Variants in WDPCP observed in about 807,000 individuals in gnomAD.
WDPCP encodes WD repeat-containing and planar cell polarity effector protein fritz homolog.
In WDPCP, 71 loss-of-function variants were observed where a neutral mutation model predicts 93.1. The observed-to-expected ratio is 0.76, with a 90% CI of 0.63 to 0.93. The LOEUF is 0.93. Ranked by LOEUF, WDPCP falls within the 40% of genes least tolerant of loss-of-function variation. The pLI, the probability that WDPCP is intolerant of heterozygous loss-of-function variation, is 0.00. For synonymous variants in WDPCP, 315 were observed against 315.0 expected, an observed-to-expected ratio of 1.00 and a Z score of 0.00; for missense variants, 844 against 887.4, an observed-to-expected ratio of 0.95 and a Z score of 0.62.
chr2:63,396,376 C>G (rs1161960884), intron 10 of WDPCP, among the ~76,000 whole-genome samples: 1 of 152,198 alleles, frequency 6.6e-6, no homozygotes, highest in African/African-American at 2.4e-5. Flanking sequence ...CACACATACA[C>G]ACGTTGCCTG....
At chr2:63,650,119 T>C (rs930203965) in intron 3 of WDPCP, among the ~76,000 whole-genome samples, 1 of 152,234 alleles carries the variant, frequency 6.6e-6, no homozygotes, top group Non-Finnish European at 1.5e-5. Flanking sequence ...CCAGCTTGGA[T>C]GTTACGTCCA....
intron 13 of WDPCP, among the ~76,000 whole-genome samples, chr2:63,293,330 A>C (rs1227994189): frequency 6.6e-6 from 1 of 152,200 alleles, no homozygotes; most frequent in Non-Finnish European, 1.5e-5. Flanking sequence ...GATTCACCTT[A>C]GTATAATCTT....
intron 1 of WDPCP, chr2:63,571,507 G>T: frequency 2.1e-6 from 1 of 469,584 alleles, no homozygotes; most frequent in South Asian, 1.6e-5. Flanking sequence ...TGTTTATTCG[G>T]TGATACTCCC....
At chr2:63,229,589 C>G (rs999096347) in intron 14 of WDPCP, 53 of 152,104 alleles carry the variant, frequency 3.5e-4, no homozygotes, top group African/African-American at 1.1e-3. Flanking sequence ...AGTCTTTAAT[C>G]CATCTTGAAT....
intron 2 of WDPCP, among the ~76,000 whole-genome samples, chr2:63,656,467 G>C (rs1710166960): frequency 6.6e-6 from 1 of 152,216 alleles, no homozygotes; most frequent in Admixed American, 6.5e-5. Flanking sequence ...CGGGCTGAGA[G>C]GGCCATGGAA....
intron 2 of WDPCP, among the ~76,000 whole-genome samples, chr2:63,667,942 A>G (rs1203316973): frequency 6.6e-6 from 1 of 151,884 alleles, no homozygotes; most frequent in East Asian, 1.9e-4. Flanking sequence ...CCTACTCCCC[A>G]CTTTTCTCTA....
chr2:63,799,308 G>A (rs1255644226), intron 2 of WDPCP, among the ~76,000 whole-genome samples: 2 of 152,174 alleles, frequency 1.3e-5, no homozygotes, highest in Non-Finnish European at 2.9e-5. Flanking sequence ...GTGAACCATA[G>A]AAGATAATTG....
chr2:63,565,946 G>A (rs778293895), intron 1 of WDPCP, among the ~76,000 whole-genome samples: 1 of 151,992 alleles, frequency 6.6e-6, no homozygotes, highest in South Asian at 2.1e-4. Context: ...TATATCCACT[G>A]CCACCATCAT....
intron 2 of WDPCP, among the ~76,000 whole-genome samples, chr2:63,656,490 C>A (rs1363166640): frequency 1.3e-5 from 2 of 152,178 alleles, no homozygotes; most frequent in South Asian, 4.1e-4. Context: ...TGACTGGAAG[C>A]CAGAAATGGG....
At chr2:63,820,459 C>T (rs892924944) in intron 1 of WDPCP, among the ~76,000 whole-genome samples, 5 of 152,118 alleles carry the variant, frequency 3.3e-5, no homozygotes, top group African/African-American at 1.2e-4. Context: ...ATGCTAGCAG[C>T]TGGCTGGCTC....
intron 2 of WDPCP, among the ~76,000 whole-genome samples, chr2:63,668,764 T>C (rs1710313132): frequency 6.6e-6 from 1 of 152,184 alleles, no homozygotes; most frequent in Non-Finnish European, 1.5e-5. Context: ...TCTCCCTCTC[T>C]CCCCTCCTCC....
intron 2 of WDPCP, among the ~76,000 whole-genome samples, chr2:63,725,827 G>A (rs1002437223): frequency 2.0e-5 from 3 of 152,096 alleles, no homozygotes; most frequent in African/African-American, 7.2e-5. Context: ...TCATATGCTT[G>A]TTGGCTGCGT....
intron 2 of WDPCP, among the ~76,000 whole-genome samples, chr2:63,492,138 G>A (rs1176389603): frequency 6.6e-6 from 1 of 152,076 alleles, no homozygotes; most frequent in Non-Finnish European, 1.5e-5. Flanking sequence ...ACAATACTTT[G>A]TAAGGTAAAT....
intron 12 of WDPCP, among the ~76,000 whole-genome samples, chr2:63,325,372 T>C (rs935246105): frequency 2.6e-5 from 4 of 152,202 alleles, no homozygotes; most frequent in Admixed American, 2.6e-4. Flanking sequence ...AGTGCAATGG[T>C]TCTCTGGGCC....
At chr2:63,350,224 G>T (rs916758073) in intron 12 of WDPCP, among the ~76,000 whole-genome samples, 3 of 152,136 alleles carry the variant, frequency 2.0e-5, no homozygotes, top group Non-Finnish European at 4.4e-5. Context: ...CTCATTCATA[G>T]GTGGGAATTG....
intron 1 of WDPCP, among the ~76,000 whole-genome samples, chr2:63,504,547 C>T (rs930948878): frequency 1.3e-4 from 20 of 151,884 alleles, no homozygotes; most frequent in African/African-American, 3.9e-4. Flanking sequence ...TCAATCATCT[C>T]ATTAGAGGAA....
chr2:63,271,169 G>A (rs1248697864), intron 13 of WDPCP, among the ~76,000 whole-genome samples: 1 of 152,228 alleles, frequency 6.6e-6, no homozygotes, highest in Non-Finnish European at 1.5e-5. Flanking sequence ...CAGAACCAAA[G>A]TGTGTGCTCA....
At chr2:63,822,282 T>C (rs1671036690) in intron 1 of WDPCP, among the ~76,000 whole-genome samples, 1 of 152,146 alleles carries the variant, frequency 6.6e-6, no homozygotes, top group Non-Finnish European at 1.5e-5. Context: ...ACTTTTTGTC[T>C]GAGGTAGTTC....
At chr2:63,321,967 A>T (rs1482650812) in intron 12 of WDPCP, among the ~76,000 whole-genome samples, 3 of 152,138 alleles carry the variant, frequency 2.0e-5, no homozygotes, top group Non-Finnish European at 2.9e-5. Context: ...ATACAACTTG[A>T]TTAATTTGGA....
Sources: allele counts gnomAD v4.1 joint callset (sites outside exome capture counted in the v4.1 genomes callset), GRCh38; gene constraint gnomAD v4.1.1; transcripts MANE v1.5; gene names NCBI Gene and HGNC (gene_info 2026-07-23, HGNC 2026-07-21).